CPNE8: variants seen among roughly 807,000 people sequenced by gnomAD.
The protein encoded by CPNE8 is copine 8.
Under a neutral mutation model 81.5 loss-of-function variants are expected in CPNE8, and 45 were observed. The ratio of observed to expected loss-of-function variants is 0.55; its 90% CI spans 0.44 to 0.71. CPNE8 has a LOEUF of 0.71. Among genes scored for constraint, CPNE8 ranks in the 30% least tolerant of loss-of-function variants. The probability of loss-of-function intolerance (pLI) is 0.00; values close to 1 mark genes in which losing one functional copy is unlikely to be tolerated. For missense variants in CPNE8, 594 were observed against 672.1 expected (o/e 0.88, Z 1.28); for synonymous variants, 252 against 226.3 (o/e 1.11, Z -1.02).
intron 3 of CPNE8, among the ~76,000 whole-genome samples, chr12:38,852,158 T>G (rs1943656557): frequency 6.6e-6 from 1 of 152,144 alleles, no homozygotes; most frequent in African/African-American, 2.4e-5. Context: ...CTGGGCGCGG[T>G]GGCTCACACC....
chr12:38,905,471 G>A lies in CPNE8; in HGVS notation c.64C>T (p.Pro22Ser), dbSNP rs1186874972. 40 of 1,574,570 alleles carry A rather than the reference G, an allele frequency of 2.5e-5. No individual in the cohort carries two copies. Among genetic ancestry groups the A allele is most frequent in the Non-Finnish European group, 3.3e-5 (38 of 1,160,098 alleles). Residue 22 changes from proline to serine, a missense_variant, in exon 1 of 20, where the codon CCG (proline) becomes TCG (serine). Pro to Ser is a moderately conservative substitution (Grantham distance 74). Transcript: ENST00000331366. ...ACGGACACCTCCACCCGCGTGGCCG[G>A]GATGGCAGCGCTCAGCTGGTTCAAG... ...GDLNQLSAAI[P>S]ATRVEVSVSC...
At chr12:38,722,660 C>T (rs749158994) in intron 13 of CPNE8, among the ~76,000 whole-genome samples, 23 of 152,232 alleles carry the variant, frequency 1.5e-4, no homozygotes, top group Admixed American at 2.6e-4. Context: ...TCCACTTTTG[C>T]GTATTGAAAA....
At chr12:38,655,201 A>C (rs1938790744) in intron 19 of CPNE8, among the ~76,000 whole-genome samples, 1 of 152,200 alleles carries the variant, frequency 6.6e-6, no homozygotes, top group Non-Finnish European at 1.5e-5. Context: ...CCTTAATAAA[A>C]ATGATTACTA....
chr12:38,675,030 C>T (rs551414499), intron 18 of CPNE8, among the ~76,000 whole-genome samples: 153 of 152,296 alleles, frequency 1.0e-3, no homozygotes, highest in Non-Finnish European at 1.9e-3. Context: ...TATCAGATGA[C>T]TACGAACATT....
chr12:38,902,296 A>AAGGAAGG (rs1565669902), intron 1 of CPNE8, among the ~76,000 whole-genome samples: 1 of 56,156 alleles, frequency 1.8e-5, no homozygotes, highest in Admixed American at 1.9e-4. Context: ...GGAAGGAAGG[A>AAGGAAGG]AAGGAAGGAA....
chr12:38,702,621 T>C (rs894911134), intron 14 of CPNE8, among the ~76,000 whole-genome samples: 2 of 152,088 alleles, frequency 1.3e-5, no homozygotes, highest in Non-Finnish European at 2.9e-5. Flanking sequence ...TTTAAACACA[T>C]GTAAAACAAT....
intron 14 of CPNE8, among the ~76,000 whole-genome samples, chr12:38,697,805 CCT>C (rs146764675): frequency 8.5e-4 from 126 of 148,482 alleles, no homozygotes; most frequent in Middle Eastern, 3.5e-3. Context: ...GGTACCTCCT[CCT>C]CTCTCTCTCT....
At position 38,823,661 on chromosome 12, in the gene CPNE8, C is replaced by A. The variant is rs192886599; in HGVS notation, c.407+5718G>T. ...TTTTCCCTGATCCTTTTATATGGAA[C>A]CACTCATGCCTGGCTGAGAGTAACA... On this transcript the variant is annotated intron_variant, in intron 6 of 19. Transcript: ENST00000331366. Among the ~76,000 whole-genome samples, 172 of 152,186 alleles carry A rather than the reference C, an allele frequency of 1.1e-3. 1 individual carries two copies. The highest frequency in any genetic ancestry group is 1.7e-3 in the Non-Finnish European group (118 of 68,004).
At chr12:38,825,128 C>T (rs1338638301) in intron 6 of CPNE8, among the ~76,000 whole-genome samples, 3 of 152,166 alleles carry the variant, frequency 2.0e-5, no homozygotes, top group Non-Finnish European at 4.4e-5. Flanking sequence ...CTATTTCGGT[C>T]ATGCATTCAT....
chr12:38,894,188 GA>G (rs1177569411), intron 1 of CPNE8, among the ~76,000 whole-genome samples: 2 of 152,118 alleles, frequency 1.3e-5, no homozygotes, highest in Admixed American at 6.5e-5. Flanking sequence ...TTTCTTTGCT[GA>G]AGTGTTCCAC....
intron 6 of CPNE8, among the ~76,000 whole-genome samples, chr12:38,825,564 T>A (rs894762588): frequency 2.6e-5 from 4 of 152,172 alleles, no homozygotes; most frequent in Non-Finnish European, 5.9e-5. Flanking sequence ...AAAGTATGAA[T>A]GGTTGTGTTT....
chr12:38,732,305 T>C (rs1940850151), intron 10 of CPNE8, among the ~76,000 whole-genome samples: 1 of 151,980 alleles, frequency 6.6e-6, no homozygotes, highest in Non-Finnish European at 1.5e-5. Flanking sequence ...ATCCAATTTC[T>C]CCTCCATCTG....
At chr12:38,687,141 A>G (rs186382833) in intron 15 of CPNE8, among the ~76,000 whole-genome samples, 63 of 152,288 alleles carry the variant, frequency 4.1e-4, no homozygotes, top group African/African-American at 1.4e-3. Context: ...ATTGAATTCT[A>G]TATACCAAGT....
At chr12:38,821,451 G>A (rs180718065) in intron 6 of CPNE8, among the ~76,000 whole-genome samples, 11 of 152,150 alleles carry the variant, frequency 7.2e-5, no homozygotes, top group Admixed American at 5.9e-4. Flanking sequence ...GTTACCATTC[G>A]TAAAATAATT....
intron 6 of CPNE8, among the ~76,000 whole-genome samples, chr12:38,782,337 A>T (rs561216296): frequency 1.3e-5 from 2 of 152,288 alleles, no homozygotes; most frequent in African/African-American, 4.8e-5. Context: ...TAAATTTTAG[A>T]AGAGGAAAAT....
chr12:38,765,007 C>T (rs1019685407), intron 8 of CPNE8, among the ~76,000 whole-genome samples: 1 of 152,162 alleles, frequency 6.6e-6, no homozygotes, highest in Non-Finnish European at 1.5e-5. Context: ...CTCTTATATT[C>T]CTAGTGTCAC....
At chr12:38,724,014 C>G (rs950388073) in intron 12 of CPNE8, among the ~76,000 whole-genome samples, 181 bp from the exon 13 acceptor site, 1 of 151,948 alleles carries the variant, frequency 6.6e-6, no homozygotes, top group African/African-American at 2.4e-5. Context: ...GGAAAGGGAC[C>G]AAAAAAATTA....
intron 4 of CPNE8, among the ~76,000 whole-genome samples, chr12:38,841,899 A>T (rs917650406): frequency 6.6e-6 from 1 of 152,130 alleles, no homozygotes; most frequent in East Asian, 1.9e-4. Context: ...AGAGAATATG[A>T]CTTCTTGTTA....
At chr12:38,726,140 C>A (rs991313083) in intron 11 of CPNE8, among the ~76,000 whole-genome samples, 4 of 151,862 alleles carry the variant, frequency 2.6e-5, no homozygotes, top group African/African-American at 4.8e-5. Flanking sequence ...GGGTTGGGGA[C>A]CCCTGGTCTA....
Sources: allele counts gnomAD v4.1 joint callset (sites outside exome capture counted in the v4.1 genomes callset), GRCh38; gene constraint gnomAD v4.1.1; transcripts MANE v1.5; gene names NCBI Gene and HGNC (gene_info 2026-07-23, HGNC 2026-07-21).